The following CNOT6 variants were observed in gnomAD, a reference collection of about 807,000 sequenced individuals.
The protein encoded by CNOT6 is CCR4-NOT transcription complex subunit 6, also known as carbon catabolite repression 4 protein.
Under a neutral mutation model 61.2 loss-of-function variants are expected in CNOT6, and 12 were observed. The observed-to-expected ratio is 0.20, with a 90% confidence interval of 0.13 to 0.32. The LOEUF is 0.32. Ranked by LOEUF, CNOT6 falls within the 10% of genes least tolerant of loss-of-function variation. The probability of loss-of-function intolerance (pLI) is 1.00; values close to 1 mark genes in which losing one functional copy is unlikely to be tolerated. For synonymous variants in CNOT6, 225 were observed against 240.6 expected, an observed-to-expected ratio of 0.94 and a Z score of 0.60; for missense variants, 405 against 663.9, an observed-to-expected ratio of 0.61 and a Z score of 4.28.
At chr5:180,553,342 G>A (rs1386259152) in intron 3 of CNOT6, 44 bp from the exon 4 acceptor site, 2 of 1,356,792 alleles carry the variant, frequency 1.5e-6, no homozygotes, top group East Asian at 4.6e-5. Flanking sequence ...AACTGTTAAA[G>A]GCTAACATAT....
At chr5:180,535,360 A>T (rs1024303651) in intron 2 of CNOT6, among the ~76,000 whole-genome samples, 18 of 152,018 alleles carry the variant, frequency 1.2e-4, no homozygotes, top group African/African-American at 4.3e-4. Flanking sequence ...TCCATTCTGT[A>T]TGTGCATGTG....
At chr5:180,568,408 C>T (rs1171555555) in intron 9 of CNOT6, among the ~76,000 whole-genome samples, 1 of 151,520 alleles carries the variant, frequency 6.6e-6, no homozygotes, top group Non-Finnish European at 1.5e-5. Context: ...ATTTTATTAG[C>T]TGGGTGTGGT....
chr5:180,514,274 C>A (rs62405525), intron 1 of CNOT6, among the ~76,000 whole-genome samples: 40,865 of 151,984 alleles, frequency 0.27, 6,132 homozygotes, highest in Middle Eastern at 0.41. Flanking sequence ...ATACAAAAAT[C>A]AGCCACATGT....
intron 1 of CNOT6, among the ~76,000 whole-genome samples, chr5:180,506,374 T>C (rs1233976638): frequency 1.3e-5 from 2 of 152,220 alleles, no homozygotes; most frequent in Non-Finnish European, 2.9e-5. Flanking sequence ...AGGAACGTTA[T>C]TCTCCGGACC....
At chr5:180,513,791 C>T (rs1757508165) in intron 1 of CNOT6, among the ~76,000 whole-genome samples, 1 of 152,032 alleles carries the variant, frequency 6.6e-6, no homozygotes, top group Non-Finnish European at 1.5e-5. Context: ...CAAGCTCCGC[C>T]TCCTGGGTTC....
At chr5:180,555,469 A>G (rs1759835627) in intron 4 of CNOT6, among the ~76,000 whole-genome samples, 1 of 152,154 alleles carries the variant, frequency 6.6e-6, no homozygotes, top group Non-Finnish European at 1.5e-5. Flanking sequence ...ATTTCTTGGA[A>G]GTGTAGTTTC....
rs145203543 is a variant in CNOT6 at position 180,507,735 on chromosome 5, A to C, written c.-3+12972A>C. On this transcript the variant is annotated intron_variant, in intron 1 of 11. Coordinates refer to ENST00000261951, the MANE Select transcript of CNOT6 (RefSeq NM_001370472.1). ...GTGAGATTAGGTAATTTATGAAGAA[A>C]AGGGGTTTAATTGGCTCTTGGTTCC... Among the ~76,000 whole-genome samples, 64 of 149,602 alleles carry C rather than the reference A, an allele frequency of 4.3e-4. No individual in the cohort carries two copies. The East Asian group carries it at 0.012, about 28-fold the overall frequency.
rs185343031 is a variant in CNOT6 at position 180,547,376 on chromosome 5, T to C, written c.113-2555T>C. ...CTCTACTAAAAATATGAAACTTAGCTGGGCGTGGTGGCGGGCGCCTGTAAT... is the reference window on the plus strand; with the variant it reads ...CTCTACTAAAAATATGAAACTTAGCCGGGCGTGGTGGCGGGCGCCTGTAAT... On this transcript the variant is annotated intron_variant, in intron 2 of 11. Transcript: ENST00000261951. Among the ~76,000 whole-genome samples the C allele has an allele frequency of 9.9e-5, 15 of 151,974 alleles. No homozygotes were observed. The South Asian group carries it at 1.0e-3, about 11-fold the overall frequency.
At chr5:180,530,182 G>A (rs11249717) in intron 2 of CNOT6, among the ~76,000 whole-genome samples, 20 of 152,090 alleles carry the variant, frequency 1.3e-4, no homozygotes, top group East Asian at 7.7e-4. Flanking sequence ...AAATTTTGTC[G>A]TCTTTCACCT....
chr5:180,520,603 C>T (rs2127712880), intron 1 of CNOT6, among the ~76,000 whole-genome samples: 1 of 152,104 alleles, frequency 6.6e-6, no homozygotes, highest in East Asian at 2.0e-4. Flanking sequence ...GATCACGCCA[C>T]TGTACTCCAG....
intron 4 of CNOT6, among the ~76,000 whole-genome samples, chr5:180,562,773 T>C (rs13357229): frequency 0.037 from 5,572 of 152,052 alleles, 221 homozygotes; most frequent in African/African-American, 0.097. Flanking sequence ...ACAGCATCAC[T>C]GTAGGTCTGG....
rs1193014986 is a variant in CNOT6 at position 180,575,972 on chromosome 5, G to A, written c.*1772G>A. On this transcript the variant is annotated 3_prime_UTR_variant, in exon 12 of 12. Coordinates refer to ENST00000261951, the MANE Select transcript of CNOT6 (RefSeq NM_001370472.1). Reference sequence around the variant, plus strand: ...TGGTCTTGGACCTGTTTTTTCCTTTGAGGGTTTTTTGTTTTTTGTTTTTTC... The same window carrying A: ...TGGTCTTGGACCTGTTTTTTCCTTTAAGGGTTTTTTGTTTTTTGTTTTTTC... 1.3e-5 allele frequency: 2 copies of A among 151,642 alleles called. No homozygotes were observed. Among genetic ancestry groups the A allele is most frequent in the African/African-American group, 4.9e-5 (2 of 41,142 alleles). 9.4% of individuals were successfully genotyped at this position (151,642 alleles called of 1,614,324 possible).
At chr5:180,537,119 C>T (rs1373544312) in intron 2 of CNOT6, among the ~76,000 whole-genome samples, 1 of 152,188 alleles carries the variant, frequency 6.6e-6, no homozygotes, top group Non-Finnish European at 1.5e-5. Flanking sequence ...CATCTGTGTG[C>T]AGTTCTTTGT....
chr5:180,569,241 A>G lies in CNOT6; in HGVS notation c.1159A>G (p.Ile387Val). The G allele has an allele frequency of 1.2e-6, 2 of 1,614,222 alleles. No homozygotes were observed. The highest frequency in any genetic ancestry group is 1.7e-6 in the Non-Finnish European group (2 of 1,180,036). ...GTTCCTCTCAGAAGTGAAGAACATTATTGATAAAGCCTCTCGCAACCTCAA... is the reference window on the plus strand; with the variant it reads ...GTTCCTCTCAGAAGTGAAGAACATTGTTGATAAAGCCTCTCGCAACCTCAA... The part of the protein sequence containing the change: ...MMFLSEVKNI[I>V]DKASRNLKSS... Residue 387 changes from isoleucine (I) to valine (V), a missense_variant, in exon 10 of 12, where the codon ATT becomes GTT. Physicochemically the swap from Ile to Val is conservative, Grantham distance 29 (BLOSUM62 3). Around this residue, in one of 5 missense-constraint regions of CNOT6, gnomAD observed 116 missense variants for 184.6 expected, o/e 0.63. Coordinates refer to ENST00000261951, the MANE Select transcript of CNOT6 (RefSeq NM_001370472.1).
At chr5:180,533,566 A>G (rs1035508076) in intron 2 of CNOT6, among the ~76,000 whole-genome samples, 2 of 151,556 alleles carry the variant, frequency 1.3e-5, no homozygotes, top group African/African-American at 2.4e-5. Context: ...TCATGCCACC[A>G]TGCCCAGCTA....
intron 1 of CNOT6, among the ~76,000 whole-genome samples, chr5:180,504,518 AT>A (rs1757035366): frequency 7.9e-5 from 12 of 152,194 alleles, no homozygotes; most frequent in Non-Finnish European, 1.6e-4. Context: ...CAGTAAATAG[AT>A]TTTGGAAAGT....
At chr5:180,512,666 T>G in intron 1 of CNOT6, among the ~76,000 whole-genome samples, 1 of 152,120 alleles carries the variant, frequency 6.6e-6, no homozygotes, top group East Asian at 1.9e-4. Context: ...GCGCAATGTC[T>G]GCTCACTGCA....
intron 1 of CNOT6, among the ~76,000 whole-genome samples, chr5:180,499,908 G>A (rs72811140): frequency 0.019 from 2,875 of 152,190 alleles, 38 homozygotes; most frequent in Non-Finnish European, 0.027. Context: ...AACTGACTTA[G>A]CTGGTGGGTG....
chr5:180,530,602 GT>G, intron 2 of CNOT6, among the ~76,000 whole-genome samples: 1 of 150,408 alleles, frequency 6.6e-6, no homozygotes, highest in Non-Finnish European at 1.5e-5. Flanking sequence ...TCATTCTTGG[GT>G]GTTTCTCGGA....
Sources: allele counts gnomAD v4.1 joint callset (sites outside exome capture counted in the v4.1 genomes callset), GRCh38; gene constraint gnomAD v4.1.1; regional missense constraint gnomAD v4.1.1; transcripts MANE v1.5; gene names NCBI Gene and HGNC (gene_info 2026-07-23, HGNC 2026-07-21).